Variants in ARAP2 observed in about 807,000 individuals in gnomAD.
ARAP2 encodes arf-GAP with Rho-GAP domain, ANK repeat and PH domain-containing protein 2.
In ARAP2, 148 loss-of-function variants were observed where a neutral mutation model predicts 194.5. That is an observed-to-expected ratio of 0.76 (90% confidence interval 0.67 to 0.87). ARAP2 has a LOEUF of 0.87. Ranked by LOEUF, ARAP2 falls within the 40% of genes least tolerant of loss-of-function variation. The probability of loss-of-function intolerance (pLI) is 0.00; values close to 1 mark genes in which losing one functional copy is unlikely to be tolerated. For missense variants in ARAP2, 2,128 were observed against 1,989.7 expected (o/e 1.07, Z -1.32); for synonymous variants, 695 against 683.5 (o/e 1.02, Z -0.26).
At chr4:36,142,970 C>T (rs904460098) in intron 19 of ARAP2, among the ~76,000 whole-genome samples, 4 of 151,750 alleles carry the variant, frequency 2.6e-5, no homozygotes, top group African/African-American at 9.7e-5. Context: ...CTCAACATGT[C>T]TTAAACTCAT....
At chr4:36,058,004 C>A (rs1273780585) in exon 2 of ARAP2, 3 of 151,304 alleles carry the variant, frequency 2.0e-5, no homozygotes, top group Non-Finnish European at 2.9e-5. Flanking sequence ...GGCTGATGAT[C>A]CTGATCCAAT....
At chr4:36,213,625 C>A (rs1224670101) in intron 3 of ARAP2, among the ~76,000 whole-genome samples, 2 of 152,066 alleles carry the variant, frequency 1.3e-5, no homozygotes, top group African/African-American at 4.8e-5. Context: ...ACATTGCCCA[C>A]ATACAAAATA....
intron 5 of ARAP2, among the ~76,000 whole-genome samples, chr4:36,027,878 C>T (rs1718201017): frequency 6.6e-6 from 1 of 152,084 alleles, no homozygotes; most frequent in South Asian, 2.1e-4. Context: ...GTGAGGGTGC[C>T]TTTTAAGCAT....
intron 19 of ARAP2, among the ~76,000 whole-genome samples, chr4:36,136,406 A>T (rs1223496675): frequency 6.6e-6 from 1 of 151,836 alleles, no homozygotes; most frequent in Admixed American, 6.6e-5. Flanking sequence ...GAATCAAGAC[A>T]GTTCAATAAG....
rs149057750 is a variant in ARAP2 at position 36,060,018 on chromosome 4, G to C, written n.148-1875C>G. On this transcript the variant is annotated intron_variant and non_coding_transcript_variant, in intron 1 of 12. Coordinates refer to the ARAP2 transcript ENST00000503225. ...CTGCAAACAGGAGCAGACAAATGAG[G>C]CAATAGTAGAGGGGAAGATGAGATC... 4.7e-3 allele frequency among the ~76,000 whole-genome samples: 710 copies of C among 152,226 alleles called. 4 individuals are homozygous for C. The highest frequency in any genetic ancestry group is 0.016 in the African/African-American group (663 of 41,554).
Position 36,106,119 on chromosome 4 carries a change from C to A in ARAP2, c.4285+1446G>T, listed in dbSNP as rs910092948. 4.1e-5 allele frequency among the ~76,000 whole-genome samples: 6 copies of A among 146,376 alleles called. No homozygotes were observed. The South Asian group carries it at 1.2e-3, about 29-fold the overall frequency. On this transcript the variant is annotated intron_variant, in intron 27 of 32. Transcript: ENST00000303965. ...TCCAAGTTGTGACAGTCAGAAATGT[C>A]TTAAGACATTGTATGTTCCATGTCT...
rs1718339685 is a variant in ARAP2, at chr4:36,028,549, T to A, written n.608-9263A>T. ...TTCAGTGGTTATTTTCCTATTCGAT[T>A]TGTAAATTTGTACTTTTTCATTTTC... On this transcript the variant is annotated intron_variant and non_coding_transcript_variant, in intron 5 of 12. Transcript: ENST00000503225. Among the ~76,000 whole-genome samples, 3 of 152,050 alleles carry A rather than the reference T, an allele frequency of 2.0e-5. No individual in the cohort carries two copies. The South Asian group carries it at 6.2e-4, about 32-fold the overall frequency.
chr4:36,136,582 G>T (rs1259888284), intron 19 of ARAP2, among the ~76,000 whole-genome samples: 1 of 151,652 alleles, frequency 6.6e-6, no homozygotes, highest in Non-Finnish European at 1.5e-5. Flanking sequence ...AAATAAATAT[G>T]CTCATATAAA....
intron 26 of ARAP2, among the ~76,000 whole-genome samples, chr4:36,112,483 A>C (rs1179856894): frequency 1.3e-5 from 2 of 151,988 alleles, no homozygotes; most frequent in African/African-American, 4.8e-5. Context: ...ATGTGGAAAG[A>C]TATTTCTGGC....
rs1344894633 is a variant in ARAP2 at position 36,158,825 on chromosome 4, C to A, written c.2657G>T (p.Ser886Ile). 1 of 1,610,582 alleles carries A rather than the reference C, an allele frequency of 6.2e-7. No individual in the cohort carries two copies. The change falls in exon 15 of 33, where the codon AGT (serine) becomes ATT (isoleucine). Residue 886 changes from serine to isoleucine, a missense_variant. By Grantham distance (142) the Ser-to-Ile change is moderately radical (BLOSUM62 -2). Coordinates refer to ENST00000303965, the MANE Select transcript of ARAP2 (RefSeq NM_015230.4). ...QHDIHSEGVL[S>I]QESSQSTFLC... is the part of the protein sequence containing the mutation. Reference sequence around the variant, plus strand: ...GAATGTGGACTGGGAAGACTCTTGACTTAATACACCCTCGGAATGAATATC... The same window carrying A: ...GAATGTGGACTGGGAAGACTCTTGAATTAATACACCCTCGGAATGAATATC...
rs59532278 is a variant in ARAP2, at chr4:36,143,776, C to T, written c.3263+3520G>A. ...TATTTATCCTCACATTTCTCCCACT[C>T]CTATTATTACTCTTCACTTTCATAA... On this transcript the variant is annotated intron_variant, in intron 19 of 32. Coordinates refer to ENST00000303965, the MANE Select transcript of ARAP2 (RefSeq NM_015230.4). Among the ~76,000 whole-genome samples, 933 of 151,872 alleles carry T rather than the reference C, an allele frequency of 6.1e-3. 10 individuals carry two copies. The highest frequency in any genetic ancestry group is 0.021 in the African/African-American group (883 of 41,484).
intron 1 of ARAP2, among the ~76,000 whole-genome samples, chr4:36,237,720 C>A (rs1752708437): frequency 6.6e-6 from 1 of 152,146 alleles, no homozygotes. Flanking sequence ...AATCAATTTT[C>A]TTTATAAATT....
chr4:36,076,297 C>A (rs1728238816), intron 31 of ARAP2, among the ~76,000 whole-genome samples: 1 of 152,022 alleles, frequency 6.6e-6, no homozygotes, highest in Admixed American at 6.6e-5. Flanking sequence ...AGGGCCTCTG[C>A]TGGTTTAATA....
At chr4:36,090,307 C>G (rs972756285) in intron 28 of ARAP2, among the ~76,000 whole-genome samples, 7 of 152,080 alleles carry the variant, frequency 4.6e-5, no homozygotes, top group Admixed American at 3.9e-4. Flanking sequence ...GAGGGATTCA[C>G]AGCTGAATTC....
At chr4:36,071,289 T>A (rs1726809519) in intron 32 of ARAP2, among the ~76,000 whole-genome samples, 1 of 152,134 alleles carries the variant, frequency 6.6e-6, no homozygotes, top group African/African-American at 2.4e-5. Flanking sequence ...TCCCACATGC[T>A]TACAGATAAA....
At chr4:36,223,031 C>A (rs529267846) in intron 2 of ARAP2, among the ~76,000 whole-genome samples, 6 of 151,992 alleles carry the variant, frequency 3.9e-5, no homozygotes, top group East Asian at 1.9e-4. Context: ...AACAAGCTAA[C>A]CCTTGTTGAA....
At chr4:36,064,239 A>C (rs1434652057), downstream of ARAP2, among the ~76,000 whole-genome samples, 2 of 137,636 alleles carry the variant, frequency 1.5e-5, no homozygotes, top group Non-Finnish European at 3.1e-5. Context: ...CTAAGCCTTC[A>C]TTATGCAAGC....
chr4:36,126,090 T>G (rs1723824953), intron 21 of ARAP2, among the ~76,000 whole-genome samples: 1 of 151,978 alleles, frequency 6.6e-6, no homozygotes, highest in South Asian at 2.1e-4. Context: ...CTGAAAGCAA[T>G]AGCCATACAC....
At chr4:36,169,319 A>G (rs894084938) in intron 9 of ARAP2, among the ~76,000 whole-genome samples, 1 of 152,158 alleles carries the variant, frequency 6.6e-6, no homozygotes, top group Non-Finnish European at 1.5e-5. Flanking sequence ...CTAAGGGCAC[A>G]CATAATACTC....
Sources: allele counts gnomAD v4.1 joint callset (sites outside exome capture counted in the v4.1 genomes callset), GRCh38; gene constraint gnomAD v4.1.1; transcripts MANE v1.5; gene names NCBI Gene and HGNC (gene_info 2026-07-23, HGNC 2026-07-21).